Variants in RALGAPA1 observed in about 807,000 individuals in gnomAD.
RALGAPA1 encodes the protein Ral GTPase activating protein catalytic subunit alpha 1.
RALGAPA1 carries 52 observed loss-of-function variants against 269.6 expected under a neutral mutation model. The ratio of observed to expected loss-of-function variants is 0.19; its 90% confidence interval spans 0.15 to 0.24. RALGAPA1 has a LOEUF of 0.24. Ranked by LOEUF, RALGAPA1 falls within the 10% of genes least tolerant of loss-of-function variation. The pLI, the probability that RALGAPA1 is intolerant of heterozygous loss-of-function variation, is 1.00. For synonymous variants in RALGAPA1, 817 were observed against 1,008.3 expected, an observed-to-expected ratio of 0.81 and a Z score of 3.60; for missense variants, 1,917 against 3,013.9, an observed-to-expected ratio of 0.64 and a Z score of 8.52.
At chr14:35,782,768 A>C (rs1275002554) in intron 1 of RALGAPA1, among the ~76,000 whole-genome samples, 1 of 152,076 alleles carries the variant, frequency 6.6e-6, no homozygotes, top group East Asian at 1.9e-4. Flanking sequence ...TTTTGCAAAA[A>C]CTGACAAGCT....
At chr14:35,599,617 G>A (rs993570312) in intron 36 of RALGAPA1, among the ~76,000 whole-genome samples, 1 of 151,998 alleles carries the variant, frequency 6.6e-6, no homozygotes, top group Non-Finnish European at 1.5e-5. Flanking sequence ...GTGTGGTGGC[G>A]CATGACTGTA....
intron 31 of RALGAPA1, among the ~76,000 whole-genome samples, chr14:35,650,124 C>T (rs2062714096): frequency 6.6e-6 from 1 of 152,118 alleles, no homozygotes; most frequent in African/African-American, 2.4e-5. Flanking sequence ...GTAATCCCAG[C>T]ACTTTGGGAG....
intron 16 of RALGAPA1, among the ~76,000 whole-genome samples, chr14:35,708,481 C>T (rs953635045): frequency 7.2e-5 from 11 of 152,190 alleles, no homozygotes; most frequent in Non-Finnish European, 1.5e-4. Flanking sequence ...ATACAAATGA[C>T]AAACAGGTAT....
intron 16 of RALGAPA1, among the ~76,000 whole-genome samples, chr14:35,709,713 C>T (rs1221150815): frequency 1.3e-5 from 2 of 152,102 alleles, no homozygotes; most frequent in African/African-American, 2.4e-5. Flanking sequence ...CCTCTAAGCA[C>T]AGCTTTCACT....
chr14:35,687,197 T>C (rs2066014862), intron 18 of RALGAPA1, among the ~76,000 whole-genome samples: 1 of 152,218 alleles, frequency 6.6e-6, no homozygotes, highest in Non-Finnish European at 1.5e-5. Context: ...CTTCCACAAA[T>C]GTTTTTCTTA....
rs776602019 is a variant in RALGAPA1, at chr14:35,756,820, T to A, written c.636A>T (p.Glu212Asp). ...GAATGACTATGTATTTTAGAAGTGC[T>A]TCAAGAAAATAGCTTGTGAGATCTT... Reference protein sequence around the residue: ...GQEDLTSYFLEALLKYIVIQV... With the variant: ...GQEDLTSYFLDALLKYIVIQV... The change falls in exon 7 of 42, where the codon GAA becomes GAT. Residue 212 changes from glutamate (E) to aspartate (D), a missense_variant. Physicochemically the swap from Glu to Asp is conservative, Grantham distance 45 (BLOSUM62 2). Around this residue, in one of 11 missense-constraint regions of RALGAPA1, gnomAD observed 462 missense variants for 725.6 expected, o/e 0.64. Transcript: ENST00000680220. 3.1e-6 allele frequency: 5 copies of A among 1,609,640 alleles called. No individual in the cohort carries two copies. Among genetic ancestry groups the A allele is most frequent in the Non-Finnish European group, 4.2e-6 (5 of 1,178,102 alleles).
intron 36 of RALGAPA1, among the ~76,000 whole-genome samples, chr14:35,599,098 C>T (rs924359443): frequency 1.3e-5 from 2 of 152,164 alleles, no homozygotes; most frequent in African/African-American, 4.8e-5. Context: ...CCCTACCTTA[C>T]TATATGTTCC....
intron 30 of RALGAPA1, among the ~76,000 whole-genome samples, chr14:35,653,996 A>C (rs1202915469): frequency 6.6e-6 from 1 of 152,140 alleles, no homozygotes; most frequent in African/African-American, 2.4e-5. Flanking sequence ...ACAACTAATA[A>C]ATTGTTTTTT....
intron 12 of RALGAPA1, among the ~76,000 whole-genome samples, chr14:35,731,627 A>G (rs1272599907): frequency 6.6e-6 from 1 of 152,226 alleles, no homozygotes; most frequent in African/African-American, 2.4e-5. Flanking sequence ...AACAAGTAGA[A>G]GAAAGAAATT....
At chr14:35,572,840 G>C (rs2057310090) in intron 37 of RALGAPA1, 122 bp from the exon 38 acceptor site, 1 of 601,706 alleles carries the variant, frequency 1.7e-6, no homozygotes, top group Admixed American at 3.4e-5. Flanking sequence ...CACTTGATCA[G>C]TTTTACATAT....
At chr14:35,739,626 G>A (rs1383949486) in intron 11 of RALGAPA1, among the ~76,000 whole-genome samples, 1 of 152,126 alleles carries the variant, frequency 6.6e-6, no homozygotes, top group African/African-American at 2.4e-5. Flanking sequence ...ATGTGTGAAT[G>A]GCAACTACTC....
At chr14:35,779,442 T>G (rs1197401632) in intron 1 of RALGAPA1, among the ~76,000 whole-genome samples, 1 of 152,014 alleles carries the variant, frequency 6.6e-6, no homozygotes, top group African/African-American at 2.4e-5. Context: ...GGGAATCCCT[T>G]GAGCCTAGGA....
intron 41 of RALGAPA1, among the ~76,000 whole-genome samples, chr14:35,547,272 C>T (rs1438622999): frequency 2.0e-5 from 3 of 152,114 alleles, no homozygotes; most frequent in African/African-American, 4.8e-5. Flanking sequence ...ATGAAGCCAA[C>T]AGAACCCTGA....
At chr14:35,724,157 T>A (rs575003658) in intron 14 of RALGAPA1, among the ~76,000 whole-genome samples, 7 of 152,202 alleles carry the variant, frequency 4.6e-5, no homozygotes, top group Non-Finnish European at 2.9e-5. Flanking sequence ...GTAGCTCCCA[T>A]CATCGGGTTA....
At position 35,568,121 on chromosome 14, in the gene RALGAPA1, T is replaced by C. The variant is rs551927772; in HGVS notation, c.7496+2496A>G. On this transcript the variant is annotated intron_variant, in intron 39 of 41. Coordinates refer to ENST00000680220, the MANE Select transcript of RALGAPA1 (RefSeq NM_001346249.2). ...TCAGGAGACAACAAACTGAAAAGTA[T>C]ATGCCAATAAACAGATTAAAACTAC... Among the ~76,000 whole-genome samples, 144 of 152,270 alleles carry C rather than the reference T, an allele frequency of 9.5e-4. 1 individual carries two copies. The highest frequency in any genetic ancestry group is 1.6e-3 in the Non-Finnish European group (108 of 67,984).
intron 6 of RALGAPA1, among the ~76,000 whole-genome samples, chr14:35,757,675 T>C (rs970259399): frequency 6.6e-6 from 1 of 152,246 alleles, no homozygotes; most frequent in Non-Finnish European, 1.5e-5. Context: ...TATTGTTTAC[T>C]TTTCAGATGT....
At chr14:35,628,083 T>A in intron 33 of RALGAPA1, 132 bp from the exon 34 acceptor site, 1 of 1,025,240 alleles carries the variant, frequency 9.8e-7, no homozygotes, top group Non-Finnish European at 1.4e-6. Context: ...CATAATACAG[T>A]AATGATGGCA....
At chr14:35,637,598 T>A (rs1435048317) in intron 31 of RALGAPA1, among the ~76,000 whole-genome samples, 1 of 151,984 alleles carries the variant, frequency 6.6e-6, no homozygotes, top group Non-Finnish European at 1.5e-5. Flanking sequence ...ATCAAAAGGG[T>A]AAATCTAGAG....
At chr14:35,651,221 TAA>T (rs2062809580) in intron 31 of RALGAPA1, among the ~76,000 whole-genome samples, 1 of 152,108 alleles carries the variant, frequency 6.6e-6, no homozygotes, top group South Asian at 2.1e-4. Context: ...AAAGTATCTA[TAA>T]GAGAAGATGT....
Sources: allele counts gnomAD v4.1 joint callset (sites outside exome capture counted in the v4.1 genomes callset), GRCh38; gene constraint gnomAD v4.1.1; regional missense constraint gnomAD v4.1.1; transcripts MANE v1.5; gene names NCBI Gene and HGNC (gene_info 2026-07-23, HGNC 2026-07-21).